LPP: variants seen among roughly 807,000 people sequenced by gnomAD.
LPP encodes the protein LIM domain containing preferred translocation partner in lipoma, also known as lipoma-preferred partner.
LPP carries 38 observed loss-of-function variants against 60.4 expected under a neutral mutation model. That is an observed-to-expected ratio of 0.63 (90% CI 0.49 to 0.83). The LOEUF (loss-of-function observed/expected upper bound fraction) is 0.83. Among genes scored for constraint, LPP ranks in the 40% least tolerant of loss-of-function variants. The pLI is 0.00. For missense variants in LPP, 902 were observed against 783.6 expected (o/e 1.15, Z -1.80); for synonymous variants, 328 against 290.8 (o/e 1.13, Z -1.30).
chr3:188,772,504 C>CT (rs1332991911), intron 9 of LPP, among the ~76,000 whole-genome samples: 3 of 150,996 alleles, frequency 2.0e-5, no homozygotes, highest in East Asian at 1.9e-4. Flanking sequence ...CTTTTCTTTT[C>CT]TTTTTTTTGA....
At chr3:188,731,667 C>T (rs367881143) in intron 8 of LPP, among the ~76,000 whole-genome samples, 4 of 152,020 alleles carry the variant, frequency 2.6e-5, no homozygotes, top group African/African-American at 7.2e-5. Flanking sequence ...GGACTACAGG[C>T]GTGCACCACC....
At chr3:188,567,433 A>G (rs889804476) in intron 6 of LPP, among the ~76,000 whole-genome samples, 1 of 151,916 alleles carries the variant, frequency 6.6e-6, no homozygotes, top group Non-Finnish European at 1.5e-5. Flanking sequence ...TTGATGTGGT[A>G]AGAAACCATT....
intron 3 of LPP, among the ~76,000 whole-genome samples, chr3:188,384,150 G>A (rs927836796): frequency 6.6e-6 from 1 of 152,160 alleles, no homozygotes; most frequent in African/African-American, 2.4e-5. Context: ...CTTTGACGAA[G>A]TTTATGTATT....
chr3:188,615,171 A>G (rs1368890476), intron 7 of LPP, among the ~76,000 whole-genome samples: 1 of 152,230 alleles, frequency 6.6e-6, no homozygotes, highest in Non-Finnish European at 1.5e-5. Context: ...GTTGCAGAAT[A>G]CATTGAAATC....
intron 2 of LPP, among the ~76,000 whole-genome samples, chr3:188,323,355 A>G (rs892972003): frequency 6.6e-6 from 1 of 152,130 alleles, no homozygotes; most frequent in Non-Finnish European, 1.5e-5. Context: ...GGCTGGGGAA[A>G]TATCTAAACT....
At chr3:188,228,080 C>T (rs1037371338) in intron 2 of LPP, among the ~76,000 whole-genome samples, 1 of 152,160 alleles carries the variant, frequency 6.6e-6, no homozygotes, top group Admixed American at 6.5e-5. Context: ...TCTAGAGAGC[C>T]GGGCTTTAGT....
rs1176827796 is a variant in LPP at position 188,456,423 on chromosome 3, A to C, written c.194-28169A>C. 3.9e-4 allele frequency among the ~76,000 whole-genome samples: 59 copies of C among 152,240 alleles called. 1 individual carries two copies. The highest frequency in any genetic ancestry group is 7.3e-5 in the Non-Finnish European group (5 of 68,046). The stretch of plus-strand genomic sequence containing the variant: ...TATGACTGTAACATAGAGAGCGATA[A>C]CGTTATAAAAGAAACACAGGTATGT... On this transcript the variant is annotated intron_variant, in intron 4 of 11. Coordinates refer to ENST00000617246, the MANE Select transcript of LPP (RefSeq NM_001375462.1).
Position 188,875,458 on chromosome 3 carries a change from G to A in LPP, c.*979G>A, listed in dbSNP as rs368647207. ...AGAGGATGAAGGCTGTGAAAAAACCGTTCAAATTCTCTTCTTTTTCTTTTT... is the reference window on the plus strand; with the variant it reads ...AGAGGATGAAGGCTGTGAAAAAACCATTCAAATTCTCTTCTTTTTCTTTTT... On this transcript the variant is annotated 3_prime_UTR_variant, in exon 12 of 12. Coordinates refer to ENST00000617246, the MANE Select transcript of LPP (RefSeq NM_001375462.1). The A allele has an allele frequency of 2.1e-4, 46 of 215,254 alleles. No individual in the cohort carries two copies. Among genetic ancestry groups the A allele is most frequent in the South Asian group, 1.9e-4 (1 of 5,404 alleles). 13.3% of individuals were successfully genotyped at this position (215,254 alleles called of 1,614,324 possible).
At chr3:188,547,524 A>G (rs1038119827) in intron 6 of LPP, among the ~76,000 whole-genome samples, 1 of 152,182 alleles carries the variant, frequency 6.6e-6, no homozygotes, top group Non-Finnish European at 1.5e-5. Flanking sequence ...CTCTAACAGG[A>G]TCATGTGGTA....
intron 7 of LPP, among the ~76,000 whole-genome samples, chr3:188,651,218 T>C (rs1560705893): frequency 6.6e-6 from 1 of 152,194 alleles, no homozygotes; most frequent in Admixed American, 6.5e-5. Context: ...TTCAGACATA[T>C]ATAACGCAGT....
chr3:188,872,666 T>G lies in LPP; in HGVS notation c.1613T>G (p.Val538Gly). ...FHKKFAPRCS[V>G]CKEPIMPAPG... ...AGGAAATTTGCCCCGCGATGTTCTG[T>G]GTGCAAGGAGCCTATTATGCCAGCC... is the stretch of plus-strand genomic sequence containing the variant. The change falls in exon 11 of 12, where the codon GTG becomes GGG. Residue 538 changes from valine (V) to glycine (G), a missense_variant. Val to Gly is a moderately radical substitution (Grantham distance 109). Coordinates refer to ENST00000617246, the MANE Select transcript of LPP (RefSeq NM_001375462.1). 6.2e-7 allele frequency: 1 copy of G among 1,614,106 alleles called. No homozygotes were observed.
At chr3:188,676,476 C>T (rs1160536155) in intron 7 of LPP, among the ~76,000 whole-genome samples, 2 of 126,924 alleles carry the variant, frequency 1.6e-5, no homozygotes, top group Non-Finnish European at 3.5e-5. Flanking sequence ...TTTTCTAACC[C>T]TGTGCAAAAA....
At chr3:188,869,398 C>A (rs1767487158) in intron 10 of LPP, among the ~76,000 whole-genome samples, 1 of 152,214 alleles carries the variant, frequency 6.6e-6, no homozygotes, top group Non-Finnish European at 1.5e-5. Flanking sequence ...TCAAGCAATT[C>A]TCCTGCCTCA....
chr3:188,607,313 T>C (rs1333529276), intron 6 of LPP, among the ~76,000 whole-genome samples: 1 of 143,404 alleles, frequency 7.0e-6, no homozygotes, highest in East Asian at 2.1e-4. Context: ...CCATTGTGTA[T>C]GTGTGAGCAC....
At chr3:188,563,458 A>G (rs747174103) in intron 6 of LPP, among the ~76,000 whole-genome samples, 2,454 of 76,028 alleles carry the variant, frequency 0.032, 36 homozygotes, top group East Asian at 0.26. Flanking sequence ...ATTTACATAT[A>G]TATGTGTGTG....
intron 9 of LPP, among the ~76,000 whole-genome samples, chr3:188,787,301 A>T (rs1742246803): frequency 6.6e-6 from 1 of 152,160 alleles, no homozygotes; most frequent in Non-Finnish European, 1.5e-5. Flanking sequence ...TTAAAGTTTA[A>T]TTTATAGAAA....
intron 4 of LPP, among the ~76,000 whole-genome samples, chr3:188,459,720 T>C (rs1423622845): frequency 6.6e-6 from 1 of 152,158 alleles, no homozygotes; most frequent in African/African-American, 2.4e-5. Context: ...ACTCAGAGAA[T>C]TGGATATGAC....
intron 7 of LPP, among the ~76,000 whole-genome samples, chr3:188,625,386 A>G (rs1421363306): frequency 6.6e-6 from 1 of 152,224 alleles, no homozygotes; most frequent in African/African-American, 2.4e-5. Context: ...ATTGATATAT[A>G]CTTTATCACT....
chr3:188,375,722 C>T (rs1026949138), intron 3 of LPP, among the ~76,000 whole-genome samples: 3 of 151,974 alleles, frequency 2.0e-5, no homozygotes, highest in Non-Finnish European at 2.9e-5. Context: ...CTGCTCTGAT[C>T]TTAGTTATTT....
Sources: allele counts gnomAD v4.1 joint callset (sites outside exome capture counted in the v4.1 genomes callset), GRCh38; gene constraint gnomAD v4.1.1; transcripts MANE v1.5; gene names NCBI Gene and HGNC (gene_info 2026-07-23, HGNC 2026-07-21).